Variants in VDAC1 observed in about 807,000 individuals in gnomAD.
VDAC1 encodes voltage dependent anion channel 1, also known as non-selective voltage-gated ion channel VDAC1.
Under a neutral mutation model 34.7 loss-of-function variants are expected in VDAC1, and 10 were observed. The ratio of observed to expected loss-of-function variants is 0.29; its 90% CI spans 0.18 to 0.49. The LOEUF (loss-of-function observed/expected upper bound fraction) is 0.49, where lower values mean the gene tolerates loss of function less well. Among genes scored for constraint, VDAC1 ranks in the 20% least tolerant of loss-of-function variants. The pLI is 0.99. For missense variants in VDAC1, 230 were observed against 347.9 expected (o/e 0.66, Z 2.69); for synonymous variants, 130 against 136.0 (o/e 0.96, Z 0.30).
At chr5:134,051,630 G>T in the VDAC1 span, among the ~76,000 whole-genome samples, 1 of 150,582 alleles carries the variant, frequency 6.6e-6, no homozygotes, top group African/African-American at 2.4e-5. Context: ...CCAATCAACA[G>T]GGTTAAGGAC....
chr5:134,000,706 A>G (rs1380084811), intron 1 of VDAC1, among the ~76,000 whole-genome samples: 1 of 102 alleles, frequency 9.8e-3, no homozygotes, highest in Non-Finnish European at 0.019. Flanking sequence ...ATGGAGAAAG[A>G]GAGCCTGGAT....
At chr5:134,078,802 C>G in the VDAC1 span, among the ~76,000 whole-genome samples, 1 of 151,710 alleles carries the variant, frequency 6.6e-6, no homozygotes, top group African/African-American at 2.4e-5. Flanking sequence ...AGGTGCCCAC[C>G]ACCACACCCA....
the VDAC1 span, among the ~76,000 whole-genome samples, chr5:134,058,013 C>A: frequency 6.6e-6 from 1 of 152,090 alleles, no homozygotes; most frequent in African/African-American, 2.4e-5. Context: ...CCTCCCACCT[C>A]AGCCTCCCAA....
At chr5:134,085,381 C>CTT in the VDAC1 span, among the ~76,000 whole-genome samples, 1,058 of 152,112 alleles carry the variant, frequency 7.0e-3, 12 homozygotes, top group African/African-American at 0.025. Flanking sequence ...GATGATCCCT[C>CTT]TTAAGAAACC....
the VDAC1 span, among the ~76,000 whole-genome samples, chr5:134,041,734 C>T: frequency 2.0e-5 from 3 of 152,160 alleles, no homozygotes; most frequent in Non-Finnish European, 2.9e-5. Context: ...CCACACAGGG[C>T]GCTTTGCATG....
the VDAC1 span, among the ~76,000 whole-genome samples, chr5:134,025,844 C>T: frequency 6.6e-6 from 1 of 152,146 alleles, no homozygotes; most frequent in Non-Finnish European, 1.5e-5. Flanking sequence ...GATCCTCCCA[C>T]CTCAGCCTCC....
the VDAC1 span, among the ~76,000 whole-genome samples, chr5:134,079,872 G>A: frequency 6.6e-6 from 1 of 152,240 alleles, no homozygotes; most frequent in African/African-American, 2.4e-5. Flanking sequence ...GGCCAGAACA[G>A]AGAATACAGG....
chr5:133,984,006 G>A (rs1435507817), intron 5 of VDAC1, among the ~76,000 whole-genome samples: 2 of 152,076 alleles, frequency 1.3e-5, no homozygotes, highest in African/African-American at 4.8e-5. Flanking sequence ...ACAGACTGCA[G>A]AACCATGAGC....
the VDAC1 span, among the ~76,000 whole-genome samples, chr5:134,091,905 G>A: frequency 2.5e-3 from 383 of 152,346 alleles, 1 homozygote; most frequent in Non-Finnish European, 3.9e-3. Context: ...GCTGCACTGA[G>A]CCTTCATGCA....
At chr5:134,048,562 C>T in the VDAC1 span, among the ~76,000 whole-genome samples, 1 of 152,170 alleles carries the variant, frequency 6.6e-6, no homozygotes, top group African/African-American at 2.4e-5. Flanking sequence ...CATGAGCCAC[C>T]GTGCTTGGCC....
At chr5:134,024,362 T>C in the VDAC1 span, among the ~76,000 whole-genome samples, 1 of 151,518 alleles carries the variant, frequency 6.6e-6, no homozygotes, top group East Asian at 1.9e-4. Flanking sequence ...ACCCTGTCTC[T>C]ACCAAAAAAT....
At chr5:134,033,284 A>G in the VDAC1 span, among the ~76,000 whole-genome samples, 2 of 151,288 alleles carry the variant, frequency 1.3e-5, no homozygotes, top group Admixed American at 6.6e-5. Context: ...CAGCCTCCCA[A>G]GTAGCTGGGG....
the VDAC1 span, among the ~76,000 whole-genome samples, chr5:134,056,810 C>T: frequency 1.3e-5 from 2 of 152,128 alleles, no homozygotes; most frequent in South Asian, 2.1e-4. Flanking sequence ...CTTAGCCTCC[C>T]GAGTAGCTGA....
chr5:134,071,011 C>A, the VDAC1 span, among the ~76,000 whole-genome samples: 1 of 152,212 alleles, frequency 6.6e-6, no homozygotes, highest in Non-Finnish European at 1.5e-5. This position sits in a 1 kb window ranked among gnomAD's most constrained non-coding sequence, Gnocchi z 4.1. Context: ...GGGGCGTAAA[C>A]CCCGCCCAGC....
the VDAC1 span, among the ~76,000 whole-genome samples, chr5:134,110,766 C>T: frequency 2.5e-4 from 38 of 152,302 alleles, no homozygotes; most frequent in East Asian, 5.6e-3. Context: ...TCCTTTGAGA[C>T]GTTTTCTGGA....
the VDAC1 span, among the ~76,000 whole-genome samples, chr5:134,036,653 CTT>C: frequency 0.017 from 2,273 of 136,662 alleles, 53 homozygotes; most frequent in African/African-American, 0.056. Flanking sequence ...AAGACACTGT[CTT>C]TTTTAAAAAA....
chr5:134,010,232 C>T, the VDAC1 span, among the ~76,000 whole-genome samples: 3 of 152,086 alleles, frequency 2.0e-5, no homozygotes, highest in African/African-American at 7.2e-5. Context: ...CAGCCCAGGA[C>T]GGAACACAAC....
At chr5:133,982,339 C>T (rs1752728412) in intron 5 of VDAC1, among the ~76,000 whole-genome samples, 2 of 151,810 alleles carry the variant, frequency 1.3e-5, no homozygotes, top group Admixed American at 1.3e-4. Flanking sequence ...TGGTGAAACA[C>T]CGTCTCTACT....
chr5:134,041,308 C>A, the VDAC1 span, among the ~76,000 whole-genome samples: 1 of 152,190 alleles, frequency 6.6e-6, no homozygotes, highest in South Asian at 2.1e-4. Context: ...TTGACCTAAT[C>A]TTTACTGCTT....
Sources: gnomAD v4.1 joint callset for allele counts (sites outside exome capture counted in the v4.1 genomes callset) on GRCh38, gnomAD v4.1.1 for gene constraint, Gnocchi (gnomAD v3.1) non-coding constraint, MANE v1.5 for transcripts, NCBI Gene and HGNC (gene_info 2026-07-23, HGNC 2026-07-21) for gene names.